Variants in BMP2K observed in about 807,000 individuals in gnomAD.
BMP2K encodes the protein BMP-2-inducible protein kinase.
Under a neutral mutation model 116.0 loss-of-function variants are expected in BMP2K, and 74 were observed. The ratio of observed to expected loss-of-function variants is 0.64; its 90% CI spans 0.53 to 0.77. The LOEUF is 0.77. BMP2K is among the 30% of genes least tolerant of loss of function. BMP2K has a pLI of 0.00. For synonymous variants in BMP2K, 486 were observed against 502.5 expected (o/e 0.97, Z 0.44); for missense variants, 1,365 against 1,403.6 (o/e 0.97, Z 0.44).
chr4:78,828,019 C>T (rs1729964450), intron 2 of BMP2K, among the ~76,000 whole-genome samples: 1 of 152,184 alleles, frequency 6.6e-6, no homozygotes, highest in South Asian at 2.1e-4. Flanking sequence ...AAGAGACTCC[C>T]TGCTTAAGAG....
intron 13 of BMP2K, among the ~76,000 whole-genome samples, chr4:78,877,884 A>T (rs954639439): frequency 2.6e-5 from 4 of 152,172 alleles, no homozygotes; most frequent in African/African-American, 9.6e-5. Context: ...CTCTATTTTA[A>T]TCTTATGGAA....
At chr4:78,786,904 T>G (rs942654671) in intron 1 of BMP2K, among the ~76,000 whole-genome samples, 9 of 152,214 alleles carry the variant, frequency 5.9e-5, no homozygotes, top group Admixed American at 4.6e-4. Context: ...ATTCATTCTT[T>G]TTTTCCCTCT....
chr4:78,866,846 T>C (rs1415727690), intron 10 of BMP2K, among the ~76,000 whole-genome samples: 1 of 152,134 alleles, frequency 6.6e-6, no homozygotes, highest in Non-Finnish European at 1.5e-5. Flanking sequence ...AGATGGGGTT[T>C]CACCGTGTTG....
chr4:78,855,851 A>C (rs1731483415), intron 7 of BMP2K, among the ~76,000 whole-genome samples: 1 of 152,182 alleles, frequency 6.6e-6, no homozygotes, highest in African/African-American at 2.4e-5. Flanking sequence ...AGTTTTAAAA[A>C]GTTGATTTTA....
intron 14 of BMP2K, among the ~76,000 whole-genome samples, chr4:78,881,138 C>T (rs2110069072): frequency 6.6e-6 from 1 of 152,328 alleles, no homozygotes; most frequent in East Asian, 1.9e-4. Context: ...ATGATGCCTA[C>T]TTCATAGGGT....
intron 10 of BMP2K, among the ~76,000 whole-genome samples, chr4:78,868,810 T>G (rs1018841885): frequency 3.3e-5 from 5 of 152,208 alleles, no homozygotes; most frequent in Non-Finnish European, 5.9e-5. Context: ...CAGGTCATGC[T>G]GATGCAAAAG....
intron 14 of BMP2K, 129 bp downstream of exon 14, chr4:78,879,020 GCCATCTTCTTATACATATACTATCAAA>G (rs1319131140): frequency 5.4e-6 from 8 of 1,479,812 alleles, no homozygotes; most frequent in Middle Eastern, 5.0e-4. Context: ...CAAAATTCAG[GCCATCTTCTTATACATATACTATCAAA>G]TTATGTTGTG....
intron 9 of BMP2K, among the ~76,000 whole-genome samples, chr4:78,863,401 C>A (rs554899738): frequency 6.6e-6 from 1 of 152,114 alleles, no homozygotes; most frequent in African/African-American, 2.4e-5. Flanking sequence ...TGCCTTCAAT[C>A]TGTGGTATTC....
At chr4:78,811,925 T>A (rs1481724319) in intron 1 of BMP2K, among the ~76,000 whole-genome samples, 5 of 152,158 alleles carry the variant, frequency 3.3e-5, no homozygotes, top group Non-Finnish European at 5.9e-5. Flanking sequence ...TTCTATCTAG[T>A]CTCAAGAAGT....
Position 78,823,634 on chromosome 4 carries a change from ATAGTTATG to A in BMP2K, c.179-2401_179-2394del, listed in dbSNP as rs1336273234. Among the ~76,000 whole-genome samples, 320 of 149,354 alleles carry A rather than the reference ATAGTTATG, an allele frequency of 2.1e-3. 1 individual carries two copies. The highest frequency in any genetic ancestry group is 7.4e-3 in the African/African-American group (303 of 40,864). On this transcript the variant is annotated intron_variant, in intron 1 of 15. Transcript: ENST00000502613. ...TAGGTGTATATATATATATAGTTAT[ATAGTTATG>A]TCTGTATATCTGTATAAATATATAA...
intron 2 of BMP2K, among the ~76,000 whole-genome samples, chr4:78,829,963 C>T (rs916000133): frequency 6.6e-6 from 1 of 151,848 alleles, no homozygotes; most frequent in Admixed American, 6.6e-5. Flanking sequence ...CAACCTTGGC[C>T]TCCTGGGTTC....
At chr4:78,830,100 C>T (rs915780328) in intron 2 of BMP2K, among the ~76,000 whole-genome samples, 3 of 152,052 alleles carry the variant, frequency 2.0e-5, no homozygotes, top group Non-Finnish European at 2.9e-5. Context: ...TGGTCGTGAA[C>T]TCCTGAGCTT....
At chr4:78,831,424 T>C (rs111862832) in intron 2 of BMP2K, among the ~76,000 whole-genome samples, 1 of 152,330 alleles carries the variant, frequency 6.6e-6, no homozygotes, top group African/African-American at 2.4e-5. Context: ...TTAATTTGTG[T>C]AAAATGCAGT....
rs776168689 is a variant in BMP2K, at chr4:78,872,600, A to C, written c.1609-14A>C. 1.3e-5 allele frequency: 21 copies of C among 1,612,108 alleles called. 1 individual carries two copies. The South Asian group carries it at 2.1e-4, about 16-fold the overall frequency. ...CTGGAGCATTGTTTTGTATAATATC[A>C]TTTCTTTTTTCAGATGCCGCAGTAT... On this transcript the variant is annotated splice_polypyrimidine_tract_variant and intron_variant, in intron 12 of 15. Transcript: ENST00000502613.
intron 1 of BMP2K, among the ~76,000 whole-genome samples, chr4:78,820,156 A>C (rs1729544422): frequency 6.6e-6 from 1 of 152,232 alleles, no homozygotes; most frequent in Non-Finnish European, 1.5e-5. Context: ...TGAAATTTAG[A>C]AATTTAGCAG....
intron 15 of BMP2K, among the ~76,000 whole-genome samples, chr4:78,901,765 G>A (rs1283801951): frequency 1.3e-5 from 2 of 152,112 alleles, no homozygotes; most frequent in African/African-American, 2.4e-5. Flanking sequence ...CTTCTAAAAC[G>A]TAGTTTTCAT....
chr4:78,787,519 G>A (rs902461400), intron 1 of BMP2K, among the ~76,000 whole-genome samples: 1 of 152,156 alleles, frequency 6.6e-6, no homozygotes. Context: ...ATGTGCTTTG[G>A]ATAACTGATC....
chr4:78,865,103 C>T (rs184406525), intron 9 of BMP2K, among the ~76,000 whole-genome samples: 46 of 152,130 alleles, frequency 3.0e-4, no homozygotes, highest in Admixed American at 5.2e-4. Flanking sequence ...TTTTGTTTAA[C>T]GTGCCCTAGG....
At chr4:78,833,984 C>A (rs1730334114) in intron 3 of BMP2K, among the ~76,000 whole-genome samples, 1 of 152,100 alleles carries the variant, frequency 6.6e-6, no homozygotes, top group South Asian at 2.1e-4. Flanking sequence ...CTTCTGTAAT[C>A]CAACCAAGAA....
Sources: gnomAD v4.1 joint callset for allele counts (sites outside exome capture counted in the v4.1 genomes callset) on GRCh38, gnomAD v4.1.1 for gene constraint, MANE v1.5 for transcripts, NCBI Gene and HGNC (gene_info 2026-07-23, HGNC 2026-07-21) for gene names.